TAF8: variants seen among roughly 807,000 people sequenced by gnomAD.
TAF8 encodes TATA-box binding protein associated factor 8, also known as transcription initiation factor TFIID subunit 8.
TAF8 carries 47 observed loss-of-function variants against 36.5 expected under a neutral mutation model. The observed-to-expected ratio is 1.29, with a 90% CI of 1.02 to 1.64. TAF8 has a LOEUF of 1.64. TAF8 is among the 40% of genes most tolerant of loss of function. TAF8 has a pLI of 0.00. For missense variants in TAF8, 420 were observed against 407.6 expected, an observed-to-expected ratio of 1.03 and a Z score of -0.26; for synonymous variants, 175 against 159.5, an observed-to-expected ratio of 1.10 and a Z score of -0.73.
intron 6 of TAF8, among the ~76,000 whole-genome samples, chr6:42,067,980 A>T (rs1238427272): frequency 6.6e-6 from 1 of 152,222 alleles, no homozygotes; most frequent in African/African-American, 2.4e-5. Context: ...ACATGCATAT[A>T]TGCAGAGTGC....
chr6:42,065,593 G>A (rs1765333132), intron 5 of TAF8, among the ~76,000 whole-genome samples: 1 of 152,096 alleles, frequency 6.6e-6, no homozygotes, highest in Non-Finnish European at 1.5e-5. Context: ...TAATCCACAA[G>A]TCCACATAGG....
chr6:42,084,470 C>CA (rs1374032408), downstream of TAF8, among the ~76,000 whole-genome samples: 1 of 152,070 alleles, frequency 6.6e-6, no homozygotes, highest in Non-Finnish European at 1.5e-5. Flanking sequence ...GACGGAATCT[C>CA]ACCCTGTCCC....
chr6:42,055,563 T>C lies in TAF8; in HGVS notation c.235T>C (p.Tyr79His). Residue 79 changes from tyrosine (Y) to histidine (H), a missense_variant, in exon 3 of 9, where the codon TAC (tyrosine) becomes CAC (histidine). Transcript: ENST00000372977. Reference protein sequence around the residue: ...ISEIGRSAKSYCEHTARTQPT... With the variant: ...ISEIGRSAKSHCEHTARTQPT... ...AGAAATTGGGAGAAGTGCCAAGTCTTACTGTGAGCACACAGCCAGGACCCA... is the reference window on the plus strand; with the variant it reads ...AGAAATTGGGAGAAGTGCCAAGTCTCACTGTGAGCACACAGCCAGGACCCA... 1 of 1,614,212 alleles carries C rather than the reference T, an allele frequency of 6.2e-7. No homozygotes were observed. The highest frequency in any genetic ancestry group is 8.5e-7 in the Non-Finnish European group (1 of 1,180,024).
At position 42,079,254 on chromosome 6, in the gene TAF8, G is replaced by C; in HGVS notation, c.*1709G>C. ...CTGGTCAGCTGGAAGGCTGGTGGAT[G>C]GGCAGGAGTGAGCCAAGCTGAGGCG... is the stretch of plus-strand genomic sequence containing the variant. On this transcript the variant is annotated 3_prime_UTR_variant, in exon 9 of 9. Coordinates refer to ENST00000372977, the MANE Select transcript of TAF8 (RefSeq NM_138572.3). 1.0e-6 allele frequency: 1 copy of C among 985,640 alleles called. No homozygotes were observed. The highest frequency in any genetic ancestry group is 1.2e-6 in the Non-Finnish European group (1 of 830,018). 61.1% of individuals were successfully genotyped at this position (985,640 alleles called of 1,614,324 possible). A position where few individuals can be genotyped will look rare whatever the true frequency, so the allele number is the denominator to read the frequency against.
chr6:42,056,197 T>A, intron 4 of TAF8, 183 bp downstream of exon 4: 1 of 545,106 alleles, frequency 1.8e-6, no homozygotes, highest in Non-Finnish European at 3.3e-6. Context: ...TGAAATTCAG[T>A]CACCAAAAGG....
chr6:42,058,764 C>G (rs2492934), intron 5 of TAF8, among the ~76,000 whole-genome samples: 65,875 of 151,960 alleles, frequency 0.43, 14,989 homozygotes, highest in African/African-American at 0.59. Flanking sequence ...TTTATTGTCT[C>G]ACAGTTCTGG....
At position 42,057,501 on chromosome 6, in the gene TAF8, C is replaced by T; in HGVS notation, c.477C>T (p.Tyr159=). The T allele has an allele frequency of 1.9e-6, 3 of 1,614,162 alleles. No homozygotes were observed. Among genetic ancestry groups the T allele is most frequent in the Middle Eastern group, 1.6e-4 (1 of 6,062 alleles). The change falls in exon 5 of 9, where the codon TAC becomes TAT. Residue 159 remains tyrosine (Y), a synonymous_variant. Transcript: ENST00000372977. ...HFPEFPDPHT[Y]IKTPTYREPV... ...CTGAGTTCCCTGATCCCCACACCTA[C>T]ATCAAAACTCCGGTGAGTGATGAAG... is the stretch of plus-strand genomic sequence containing the variant.
At position 42,080,118 on chromosome 6, in the gene TAF8, A is replaced by AT; in HGVS notation, c.*2575dup. 2.0e-6 allele frequency: 2 copies of AT among 985,308 alleles called. No homozygotes were observed. The highest frequency in any genetic ancestry group is 2.4e-6 in the Non-Finnish European group (2 of 829,912). 61.0% of individuals were successfully genotyped at this position (985,308 alleles called of 1,614,324 possible). A position where few individuals can be genotyped will look rare whatever the true frequency, so the allele number is the denominator to read the frequency against. ...CTATGTGGCCTTCTCAGGGTTTGTG[A>AT]TTCAGTTCTTAGCGATTCTTGGCCT... is the stretch of plus-strand genomic sequence containing the variant. On this transcript the variant is annotated 3_prime_UTR_variant, in exon 9 of 9. Coordinates refer to ENST00000372977, the MANE Select transcript of TAF8 (RefSeq NM_138572.3).
downstream of TAF8, among the ~76,000 whole-genome samples, chr6:42,083,618 CAA>C (rs1461965172): frequency 3.3e-5 from 5 of 152,198 alleles, no homozygotes; most frequent in South Asian, 6.2e-4. Flanking sequence ...TTTTAACAAA[CAA>C]GTGTGTGTGT....
In TAF8 at chr6:42,077,105, T is replaced by C. The variant is rs1164629300; in HGVS notation, c.786T>C (p.Asp262=). 3.1e-6 allele frequency: 5 copies of C among 1,612,374 alleles called. No homozygotes were observed. Among genetic ancestry groups the C allele is most frequent in the Non-Finnish European group, 4.2e-6 (5 of 1,179,004 alleles). Residue 262 remains aspartate, a synonymous_variant, in exon 8 of 9, where the codon GAT becomes GAC. Transcript: ENST00000372977. The stretch of plus-strand genomic sequence containing the variant: ...ATTTTGGCTTTTGCTCAAAGGAGGA[T>C]TCTGGAGCCGAGAAGGAGAACACCT... The part of the protein sequence containing the change: ...ENLALHISME[D]SGAEKENTSV...
chr6:42,055,446 G>A (rs1476376096), intron 2 of TAF8, 85 bp from the exon 3 acceptor site: 6 of 901,982 alleles, frequency 6.7e-6, no homozygotes, highest in Non-Finnish European at 1.1e-5. Context: ...ATACCTAGGA[G>A]TGGAATTGTT....
intron 5 of TAF8, among the ~76,000 whole-genome samples, chr6:42,062,558 CAG>C (rs1366738638): frequency 1.2e-5 from 1 of 85,054 alleles, no homozygotes; most frequent in Admixed American, 1.8e-4. Context: ...TTTTTTGAGA[CAG>C]AGTCTTGCTC....
chr6:42,055,533 A>G lies in TAF8; in HGVS notation c.205A>G (p.Ile69Val). ...ETLTEMLQSY[I>V]SEIGRSAKSY... ...TTATGCCTTTAATCCCCTCTTAGACATTTCAGAAATTGGGAGAAGTGCCAA... is the reference window on the plus strand; with the variant it reads ...TTATGCCTTTAATCCCCTCTTAGACGTTTCAGAAATTGGGAGAAGTGCCAA... Residue 69 changes from isoleucine (I) to valine (V), a missense_variant and splice_region_variant, in exon 3 of 9, where the codon ATT (isoleucine) becomes GTT (valine). By Grantham distance (29) the Ile-to-Val change is conservative. Transcript: ENST00000372977. 3 of 1,612,058 alleles carry G rather than the reference A, an allele frequency of 1.9e-6. No individual in the cohort carries two copies. Among genetic ancestry groups the G allele is most frequent in the Non-Finnish European group, 1.7e-6 (2 of 1,178,144 alleles).
rs117115110 is a variant in TAF8, at chr6:42,070,167, G to A, written c.780+1560G>A. Among the ~76,000 whole-genome samples the A allele has an allele frequency of 1.7e-4, 26 of 152,126 alleles. 1 individual carries two copies. Among genetic ancestry groups the A allele is most frequent in the Admixed American group, 1.1e-3 (17 of 15,258 alleles). On this transcript the variant is annotated intron_variant, in intron 7 of 8. Coordinates refer to ENST00000372977, the MANE Select transcript of TAF8 (RefSeq NM_138572.3). ...GTCCCTTATAGCAGCCACTAGCCACGTGTAGGTATTTAAATTTAAATTAAT... is the reference window on the plus strand; with the variant it reads ...GTCCCTTATAGCAGCCACTAGCCACATGTAGGTATTTAAATTTAAATTAAT...
At position 42,057,502 on chromosome 6, in the gene TAF8, A is replaced by C; in HGVS notation, c.478A>C (p.Ile160Leu). ...FPEFPDPHTY[I>L]KTPTYREPVS... ...TGAGTTCCCTGATCCCCACACCTAC[A>C]TCAAAACTCCGGTGAGTGATGAAGC... The change falls in exon 5 of 9, where the codon ATC (isoleucine) becomes CTC (leucine). Residue 160 changes from isoleucine (I) to leucine (L), a missense_variant. Coordinates refer to ENST00000372977, the MANE Select transcript of TAF8 (RefSeq NM_138572.3). The C allele has an allele frequency of 6.2e-7, 1 of 1,614,114 alleles. No homozygotes were observed. Among genetic ancestry groups the C allele is most frequent in the Non-Finnish European group, 8.5e-7 (1 of 1,180,010 alleles).
At chr6:42,071,294 T>C in intron 7 of TAF8, 1 of 227,412 alleles carries the variant, frequency 4.4e-6, no homozygotes, top group Non-Finnish European at 8.8e-6. Context: ...GCTGAAGGTC[T>C]TATTTGCCTG....
Position 42,079,568 on chromosome 6 carries a change from C to T in TAF8, c.*2023C>T, listed in dbSNP as rs538204636. Reference sequence around the variant, plus strand: ...TTCCCCTTTGGCTTCCACAGTTCAACTCCTTTTATTTTGAGACAGGGTCTC... The same window carrying T: ...TTCCCCTTTGGCTTCCACAGTTCAATTCCTTTTATTTTGAGACAGGGTCTC... On this transcript the variant is annotated 3_prime_UTR_variant, in exon 9 of 9. Coordinates refer to ENST00000372977, the MANE Select transcript of TAF8 (RefSeq NM_138572.3). 3.0e-6 allele frequency: 3 copies of T among 985,188 alleles called. No individual in the cohort carries two copies. Among genetic ancestry groups the T allele is most frequent in the Middle Eastern group, 5.2e-4 (1 of 1,914 alleles). The allele number at this position is 985,188 out of a possible 1,614,324, so 61.0% of individuals were successfully genotyped here. A position where few individuals can be genotyped will look rare whatever the true frequency, so the allele number is the denominator to read the frequency against.
intron 7 of TAF8, 57 bp from the exon 8 acceptor site, chr6:42,077,043 C>A (rs1765770506): frequency 1.3e-6 from 2 of 1,547,502 alleles, no homozygotes; most frequent in Non-Finnish European, 1.8e-6. Context: ...CAATTATAGG[C>A]ATGATCTCTT....
In TAF8 at chr6:42,083,079, A is replaced by G. The variant is rs1385887528; in HGVS notation, c.*5534A>G. On this transcript the variant is annotated 3_prime_UTR_variant, in exon 9 of 9. Transcript: ENST00000372977. ...AAAAAGATATAAGTGATAACAAAAT[A>G]TCTTCCTCCTCCCCTGTTTCCCAGA... is the stretch of plus-strand genomic sequence containing the variant. 6.6e-6 allele frequency: 1 copy of G among 152,238 alleles called. No homozygotes were observed. The highest frequency in any genetic ancestry group is 2.4e-5 in the African/African-American group (1 of 41,478). The allele number at this position is 152,238 out of a possible 1,614,324, so 9.4% of individuals were successfully genotyped here. A position where few individuals can be genotyped will look rare whatever the true frequency, so the allele number is the denominator to read the frequency against.
Sources: gnomAD v4.1 joint callset for allele counts (sites outside exome capture counted in the v4.1 genomes callset) on GRCh38, gnomAD v4.1.1 for gene constraint, MANE v1.5 for transcripts, NCBI Gene and HGNC (gene_info 2026-07-23, HGNC 2026-07-21) for gene names.